Variants in DNAAF11 observed in about 807,000 individuals in gnomAD.
DNAAF11 encodes leucine rich repeat containing 6.
Under a neutral mutation model 60.8 loss-of-function variants are expected in DNAAF11, and 45 were observed. The observed-to-expected ratio is 0.74, with a 90% CI of 0.58 to 0.95. DNAAF11 has a LOEUF of 0.95. Ranked by LOEUF, DNAAF11 falls within the 40% of genes least tolerant of loss-of-function variation. The pLI, the probability that DNAAF11 is intolerant of heterozygous loss-of-function variation, is 0.00. For synonymous variants in DNAAF11, 191 were observed against 183.5 expected, an observed-to-expected ratio of 1.04 and a Z score of -0.33; for missense variants, 546 against 546.2, an observed-to-expected ratio of 1.00 and a Z score of 0.00.
At chr8:132,602,902 C>G (rs1351428649) in intron 10 of DNAAF11, among the ~76,000 whole-genome samples, 2 of 152,058 alleles carry the variant, frequency 1.3e-5, no homozygotes, top group Non-Finnish European at 2.9e-5. Flanking sequence ...AACCTTCACT[C>G]AAGCTCAAGT....
chr8:132,668,965 C>G (rs1586747071), intron 1 of DNAAF11, among the ~76,000 whole-genome samples: 1 of 152,148 alleles, frequency 6.6e-6, no homozygotes, highest in Admixed American at 6.5e-5. Context: ...CATGGCCTTT[C>G]CTTTCCTGGG....
intron 7 of DNAAF11, among the ~76,000 whole-genome samples, chr8:132,621,664 C>T (rs112040645): frequency 5.9e-5 from 9 of 152,262 alleles, no homozygotes; most frequent in African/African-American, 2.2e-4. Context: ...ATTGCTCTAT[C>T]CCCAGGGCCT....
At chr8:132,677,209 C>T (rs533195133), upstream of DNAAF11, among the ~76,000 whole-genome samples, 3 of 152,240 alleles carry the variant, frequency 2.0e-5, no homozygotes, top group South Asian at 2.1e-4. Flanking sequence ...TTAGCAAATT[C>T]GCCTGTGCTT....
chr8:132,676,125 C>T (rs1825750247), upstream of DNAAF11, among the ~76,000 whole-genome samples: 1 of 152,350 alleles, frequency 6.6e-6, no homozygotes, highest in East Asian at 1.9e-4. Flanking sequence ...CTCCAACACT[C>T]GTTTCCGGCT....
At chr8:132,666,190 C>T (rs1824608973) in intron 1 of DNAAF11, among the ~76,000 whole-genome samples, 1 of 152,124 alleles carries the variant, frequency 6.6e-6, no homozygotes, top group African/African-American at 2.4e-5. Flanking sequence ...CAGACCCCAG[C>T]CATCATCCAA....
At chr8:132,692,373 T>G in the DNAAF11 span, among the ~76,000 whole-genome samples, 1 of 152,222 alleles carries the variant, frequency 6.6e-6, no homozygotes, top group African/African-American at 2.4e-5. Flanking sequence ...TCAATTCCCC[T>G]GCTGGGCTTG....
At chr8:132,613,735 C>T (rs556604825) in intron 8 of DNAAF11, among the ~76,000 whole-genome samples, 1 of 152,296 alleles carries the variant, frequency 6.6e-6, no homozygotes, top group African/African-American at 2.4e-5. Context: ...GTCCTGAGGG[C>T]TGATGTTCTG....
intron 3 of DNAAF11, among the ~76,000 whole-genome samples, chr8:132,642,034 T>C (rs572762288): frequency 1.6e-4 from 24 of 152,230 alleles, no homozygotes; most frequent in Non-Finnish European, 3.2e-4. Flanking sequence ...GGAATTAAGA[T>C]TAAACATCAT....
the DNAAF11 span, among the ~76,000 whole-genome samples, chr8:132,698,442 A>G: frequency 3.9e-5 from 6 of 152,334 alleles, no homozygotes; most frequent in Admixed American, 2.6e-4. Flanking sequence ...TGACTCTGAA[A>G]CATAAATAAT....
At position 132,643,493 on chromosome 8, in the gene DNAAF11, A is replaced by G. The variant is rs961713795; in HGVS notation, c.257-5386T>C. 42 of 371,034 alleles carry G rather than the reference A, an allele frequency of 1.1e-4. 1 individual carries two copies. The highest frequency in any genetic ancestry group is 3.4e-5 in the Admixed American group (1 of 29,810). The allele number at this position is 371,034 out of a possible 1,614,324, so 23.0% of individuals were successfully genotyped here. ...GTGGGAGAGTTGGGGAGCAAGTGTA[A>G]TATCCTCTCCCAACACAGTTAATTC... On this transcript the variant is annotated intron_variant, in intron 3 of 11. Coordinates refer to ENST00000620350, the MANE Select transcript of DNAAF11 (RefSeq NM_012472.6).
chr8:132,700,012 T>C, the DNAAF11 span, among the ~76,000 whole-genome samples: 1 of 152,166 alleles, frequency 6.6e-6, no homozygotes, highest in African/African-American at 2.4e-5. Context: ...TGGAACTTGA[T>C]AGATTGTGTT....
intron 1 of DNAAF11, among the ~76,000 whole-genome samples, chr8:132,674,349 C>G (rs1362045016): frequency 6.6e-6 from 1 of 152,064 alleles, no homozygotes; most frequent in African/African-American, 2.4e-5. Context: ...TCACTCCCCC[C>G]CGACCCCCAC....
the DNAAF11 span, among the ~76,000 whole-genome samples, chr8:132,700,232 G>T: frequency 6.6e-6 from 1 of 152,124 alleles, no homozygotes; most frequent in African/African-American, 2.4e-5. Context: ...GAGATTGTTG[G>T]GAAAGGCAGT....
At chr8:132,695,117 G>T in the DNAAF11 span, among the ~76,000 whole-genome samples, 2 of 152,132 alleles carry the variant, frequency 1.3e-5, no homozygotes, top group African/African-American at 4.8e-5. Context: ...CTACTTGCAT[G>T]GACGGTAGGA....
At position 132,632,745 on chromosome 8, in the gene DNAAF11, A is replaced by T. The variant is rs1377382116; in HGVS notation, c.648T>A (p.Ala216=). The T allele has an allele frequency of 2.5e-6, 4 of 1,600,972 alleles. No homozygotes were observed. The highest frequency in any genetic ancestry group is 3.4e-6 in the Non-Finnish European group (4 of 1,168,282). ...TAAACTAATAATTTACATACAGAGT[A>T]GCATTGATGTCTGTGTACCAACGTC... ...FDGRWYTDIN[A]TLSSLESKDH... Residue 216 remains alanine (A), a synonymous_variant, in exon 5 of 12, where the codon GCT becomes GCA. Coordinates refer to ENST00000620350, the MANE Select transcript of DNAAF11 (RefSeq NM_012472.6).
At chr8:132,595,017 G>A (rs1473508272) in intron 10 of DNAAF11, among the ~76,000 whole-genome samples, 3 of 151,982 alleles carry the variant, frequency 2.0e-5, no homozygotes, top group Non-Finnish European at 4.4e-5. Context: ...CACGGTCCAC[G>A]TTTGCTTCCC....
At chr8:132,582,588 A>G (rs1187547652) in intron 11 of DNAAF11, among the ~76,000 whole-genome samples, 2 of 152,182 alleles carry the variant, frequency 1.3e-5, no homozygotes, top group Non-Finnish European at 2.9e-5. Context: ...TGGGAAATAG[A>G]GTGGATTTCC....
chr8:132,570,478 TTCTC>T lies in DNAAF11; in HGVS notation c.*1824_*1827del, dbSNP rs1296972080. Among the ~76,000 whole-genome samples the T allele has an allele frequency of 6.6e-6, 1 of 152,204 alleles. No individual in the cohort carries two copies. The highest frequency in any genetic ancestry group is 1.5e-5 in the Non-Finnish European group (1 of 68,044). ...GTTTGGTCAAAAGTATAATTTTGCT[TTCTC>T]TCTATGTGGAAATTAAATACAGTCC... On this transcript the variant is annotated 3_prime_UTR_variant, in exon 12 of 12. Coordinates refer to ENST00000620350, the MANE Select transcript of DNAAF11 (RefSeq NM_012472.6).
intron 10 of DNAAF11, among the ~76,000 whole-genome samples, chr8:132,599,175 A>G (rs1204935727): frequency 3.3e-5 from 5 of 152,200 alleles, no homozygotes; most frequent in Admixed American, 3.3e-4. Context: ...AAAATCTAGA[A>G]GAAATGGATG....
Sources: gnomAD v4.1 joint callset for allele counts (sites outside exome capture counted in the v4.1 genomes callset) on GRCh38, gnomAD v4.1.1 for gene constraint, MANE v1.5 for transcripts, NCBI Gene and HGNC (gene_info 2026-07-23, HGNC 2026-07-21) for gene names.